The following SEMA3D variants were observed in gnomAD, a reference collection of about 807,000 sequenced individuals.
SEMA3D encodes semaphorin 3D.
Under a neutral mutation model 100.1 loss-of-function variants are expected in SEMA3D, and 84 were observed. The ratio of observed to expected loss-of-function variants is 0.84; its 90% CI spans 0.70 to 1.01. The LOEUF is 1.01. SEMA3D is among the 50% of genes least tolerant of loss of function. The pLI is 0.00. For synonymous variants in SEMA3D, 312 were observed against 320.7 expected, an observed-to-expected ratio of 0.97 and a Z score of 0.29; for missense variants, 875 against 934.1, an observed-to-expected ratio of 0.94 and a Z score of 0.82.
intron 18 of SEMA3D, among the ~76,000 whole-genome samples, chr7:85,004,551 C>T (rs981297279): frequency 7.9e-5 from 12 of 152,036 alleles, no homozygotes; most frequent in African/African-American, 1.7e-4. Flanking sequence ...CATGACCTCC[C>T]GTACAGCACC....
intron 9 of SEMA3D, among the ~76,000 whole-genome samples, chr7:85,048,144 G>A (rs1791061605): frequency 6.6e-6 from 1 of 151,722 alleles, no homozygotes; most frequent in African/African-American, 2.4e-5. Context: ...AATAAGATTA[G>A]GGAAATTTAA....
chr7:85,069,302 C>T (rs1583891554), intron 6 of SEMA3D, among the ~76,000 whole-genome samples: 1 of 151,976 alleles, frequency 6.6e-6, no homozygotes, highest in Non-Finnish European at 1.5e-5. Flanking sequence ...TTGAACAAGA[C>T]CAATAGTAAC....
At chr7:85,050,883 A>G (rs529005883) in intron 9 of SEMA3D, 3 of 387,762 alleles carry the variant, frequency 7.7e-6, no homozygotes, top group African/African-American at 4.2e-5. Context: ...ATCAACACCA[A>G]CTTCTTCCAT....
At chr7:85,232,817 C>T in the SEMA3D span, among the ~76,000 whole-genome samples, 1 of 152,170 alleles carries the variant, frequency 6.6e-6, no homozygotes. Context: ...AGCAAGTAAA[C>T]TAGCTCTCTT....
At chr7:85,231,514 G>T in the SEMA3D span, among the ~76,000 whole-genome samples, 2 of 143,602 alleles carry the variant, frequency 1.4e-5, no homozygotes, top group African/African-American at 5.3e-5. Context: ...GTAGTGGGGC[G>T]ATCTCGGCTC....
At chr7:85,046,183 G>A (rs1791004089) in intron 9 of SEMA3D, among the ~76,000 whole-genome samples, 1 of 151,830 alleles carries the variant, frequency 6.6e-6, no homozygotes, top group East Asian at 1.9e-4. Flanking sequence ...GGCATATACA[G>A]TATTCATAAA....
At chr7:85,038,490 T>A (rs1790765818) in intron 11 of SEMA3D, among the ~76,000 whole-genome samples, 1 of 152,186 alleles carries the variant, frequency 6.6e-6, no homozygotes, top group South Asian at 2.1e-4. Flanking sequence ...TACATTCCAA[T>A]GTCACCTTGG....
At position 85,065,449 on chromosome 7, in the gene SEMA3D, G is replaced by A. The variant is rs1791589458; in HGVS notation, c.693C>T (p.Asp231=). The A allele has an allele frequency of 5.0e-6, 8 of 1,613,274 alleles. No homozygotes were observed. The highest frequency in any genetic ancestry group is 4.0e-5 in the African/African-American group (3 of 74,882). The part of the protein sequence containing the change: ...PTHDHHYIRT[D]ISEHYWLNGA... ...CATTGAGCCAGTAGTGCTCTGAAAT[G>A]TCAGTTCTGATGTAGTGGTGGTCAT... Residue 231 remains aspartate (D), a synonymous_variant, in exon 8 of 19, where the codon GAC becomes GAT. Coordinates refer to ENST00000284136, the MANE Select transcript of SEMA3D (RefSeq NM_001384900.1).
chr7:85,028,380 TAG>T, intron 12 of SEMA3D: 6 of 383,632 alleles, frequency 1.6e-5, no homozygotes, highest in Admixed American at 4.7e-5. Context: ...GCTTACAGTT[TAG>T]ACAAAAAAAA....
chr7:85,237,239 T>A, the SEMA3D span, among the ~76,000 whole-genome samples: 1 of 152,192 alleles, frequency 6.6e-6, no homozygotes, highest in Non-Finnish European at 1.5e-5. Context: ...ACTATCAACA[T>A]CCCAAACCAT....
intron 4 of SEMA3D, among the ~76,000 whole-genome samples, chr7:85,089,599 G>GC (rs1441470394): frequency 1.3e-5 from 2 of 152,114 alleles, no homozygotes; most frequent in East Asian, 3.9e-4. Flanking sequence ...GTATTGCAAG[G>GC]CCGGGTGCCA....
intron 11 of SEMA3D, 98 bp downstream of exon 11, chr7:85,040,575 T>C: frequency 3.0e-6 from 2 of 674,124 alleles, no homozygotes; most frequent in Non-Finnish European, 5.3e-6. Flanking sequence ...GTTTACGATA[T>C]GCTACTACAA....
intron 9 of SEMA3D, 35 bp downstream of exon 9, chr7:85,055,682 A>G: frequency 6.3e-6 from 2 of 315,696 alleles, no homozygotes; most frequent in Non-Finnish European, 9.9e-6. Context: ...ATATATATAT[A>G]TATGTTTTAA....
chr7:85,085,599 G>A (rs188755398), intron 4 of SEMA3D, among the ~76,000 whole-genome samples: 37 of 152,278 alleles, frequency 2.4e-4, no homozygotes, highest in African/African-American at 7.0e-4. Flanking sequence ...AAATTGAGGT[G>A]CTTGGGTCTG....
chr7:85,157,627 C>T (rs1204806070), intron 1 of SEMA3D: 1 of 972,286 alleles, frequency 1.0e-6, no homozygotes, highest in Admixed American at 6.2e-5. Context: ...AAATAAATTG[C>T]ATCAGTTTAT....
At chr7:85,058,670 C>T (rs1193624521) in intron 8 of SEMA3D, among the ~76,000 whole-genome samples, 1 of 150,420 alleles carries the variant, frequency 6.6e-6, no homozygotes, top group East Asian at 2.0e-4. Context: ...ATGGCCTGAA[C>T]CCGGGAGGCG....
intron 6 of SEMA3D, among the ~76,000 whole-genome samples, chr7:85,069,861 G>C (rs1791724437): frequency 6.6e-6 from 1 of 152,070 alleles, no homozygotes. Flanking sequence ...CCAGCACTGT[G>C]GGATACAAAT....
chr7:85,126,442 T>C (rs1789574090), intron 2 of SEMA3D, among the ~76,000 whole-genome samples: 1 of 143,682 alleles, frequency 7.0e-6, no homozygotes. Flanking sequence ...TGTGTGTAGG[T>C]TGGGGAAGGG....
chr7:85,235,866 G>A, the SEMA3D span, among the ~76,000 whole-genome samples: 20 of 152,152 alleles, frequency 1.3e-4, no homozygotes, highest in Non-Finnish European at 2.8e-4. Context: ...TGGAGTTGAA[G>A]GGAATAGGAG....
Sources: allele counts gnomAD v4.1 joint callset (sites outside exome capture counted in the v4.1 genomes callset), GRCh38; gene constraint gnomAD v4.1.1; transcripts MANE v1.5; gene names NCBI Gene and HGNC (gene_info 2026-07-23, HGNC 2026-07-21).